Variants in DPF3 observed in about 807,000 individuals in gnomAD.
DPF3 encodes double PHD fingers 3, also known as zinc finger protein DPF3.
In DPF3, 18 loss-of-function variants were observed where a neutral mutation model predicts 56.8. The ratio of observed to expected loss-of-function variants is 0.32; its 90% CI spans 0.22 to 0.47. The LOEUF (loss-of-function observed/expected upper bound fraction) is 0.47, where lower values mean the gene tolerates loss of function less well. Ranked by LOEUF, DPF3 falls within the 20% of genes least tolerant of loss-of-function variation. The pLI is 1.00. For missense variants in DPF3, 403 were observed against 488.8 expected (o/e 0.82, Z 1.65); for synonymous variants, 188 against 180.2 (o/e 1.04, Z -0.35).
intron 6 of DPF3, among the ~76,000 whole-genome samples, chr14:72,697,090 GACAAT>G (rs1887937052): frequency 2.0e-5 from 3 of 152,192 alleles, no homozygotes; most frequent in Admixed American, 2.0e-4. Flanking sequence ...ATCAGGACCA[GACAAT>G]ACATGGAGGT....
At chr14:72,884,622 G>GC (rs1886443423) in intron 1 of DPF3, among the ~76,000 whole-genome samples, 1 of 151,836 alleles carries the variant, frequency 6.6e-6, no homozygotes, top group South Asian at 2.1e-4. Flanking sequence ...GCTAACTCCT[G>GC]CCCCCCAAGC....
chr14:72,834,741 T>C (rs921430448), intron 1 of DPF3, among the ~76,000 whole-genome samples: 4 of 152,192 alleles, frequency 2.6e-5, no homozygotes, highest in Non-Finnish European at 2.9e-5. Context: ...CCAAGACTTG[T>C]ACATGAAAGT....
intron 8 of DPF3, among the ~76,000 whole-genome samples, chr14:72,651,525 A>C (rs1885907689): frequency 6.6e-6 from 1 of 152,216 alleles, no homozygotes; most frequent in African/African-American, 2.4e-5. Context: ...AGTCAGGAAG[A>C]CAGGGGGATG....
At chr14:72,841,015 AG>A (rs1884523724) in intron 1 of DPF3, among the ~76,000 whole-genome samples, 1 of 152,242 alleles carries the variant, frequency 6.6e-6, no homozygotes, top group Non-Finnish European at 1.5e-5. Flanking sequence ...TCAATTCTGC[AG>A]GTCTTCATTT....
At chr14:72,749,870 A>G (rs1048513271) in intron 3 of DPF3, among the ~76,000 whole-genome samples, 1 of 18,206 alleles carries the variant, frequency 5.5e-5, no homozygotes, top group Non-Finnish European at 1.3e-4. Context: ...AAAAGAAAAG[A>G]AAAAAAAGTA....
intron 8 of DPF3, among the ~76,000 whole-genome samples, chr14:72,654,955 A>T (rs941440826): frequency 1.3e-5 from 2 of 152,188 alleles, no homozygotes; most frequent in Non-Finnish European, 2.9e-5. Context: ...AGGGTAAAAC[A>T]GTCTACTTTA....
At chr14:72,758,842 T>C (rs1890947710) in intron 2 of DPF3, among the ~76,000 whole-genome samples, 1 of 152,058 alleles carries the variant, frequency 6.6e-6, no homozygotes, top group African/African-American at 2.4e-5. Flanking sequence ...CTTAAATATG[T>C]CCCAAAACAA....
chr14:72,692,513 A>T (rs960024036), intron 7 of DPF3, among the ~76,000 whole-genome samples: 1 of 152,172 alleles, frequency 6.6e-6, no homozygotes, highest in East Asian at 1.9e-4. Flanking sequence ...CCAAACGACA[A>T]ATCCACCCAG....
intron 7 of DPF3, among the ~76,000 whole-genome samples, chr14:72,679,554 A>G (rs1887065647): frequency 6.6e-6 from 1 of 152,164 alleles, no homozygotes; most frequent in Admixed American, 6.5e-5. Context: ...CAGTGAGCAG[A>G]GCCCTCTGGG....
intron 4 of DPF3, among the ~76,000 whole-genome samples, chr14:72,728,269 A>G (rs1378097645): frequency 6.6e-6 from 1 of 152,214 alleles, no homozygotes; most frequent in Admixed American, 6.5e-5. Flanking sequence ...CAAAGGCAAG[A>G]AGAGATCCCT....
chr14:72,854,817 T>C (rs1885115368), intron 1 of DPF3, among the ~76,000 whole-genome samples: 1 of 152,200 alleles, frequency 6.6e-6, no homozygotes, highest in Non-Finnish European at 1.5e-5. Context: ...AGTTACTTAC[T>C]GCCCACACTT....
At chr14:72,802,999 T>A (rs1054684768) in intron 1 of DPF3, among the ~76,000 whole-genome samples, 22 of 152,180 alleles carry the variant, frequency 1.4e-4, no homozygotes, top group African/African-American at 5.1e-4. Flanking sequence ...TGCCCACCTC[T>A]CCACCTACCC....
At chr14:72,670,156 A>G (rs1314259142) in intron 8 of DPF3, 6 of 985,804 alleles carry the variant, frequency 6.1e-6, no homozygotes, top group Non-Finnish European at 7.2e-6. Context: ...GGGTATTGAT[A>G]CGTTTCTTAA....
intron 9 of DPF3, among the ~76,000 whole-genome samples, chr14:72,625,144 C>T (rs1441677400): frequency 6.6e-6 from 1 of 152,110 alleles, no homozygotes; most frequent in Non-Finnish European, 1.5e-5. Context: ...CTAATTTTAG[C>T]ATCAATTGAC....
At chr14:72,783,246 T>C (rs748481239) in intron 1 of DPF3, among the ~76,000 whole-genome samples, 1 of 144,620 alleles carries the variant, frequency 6.9e-6, no homozygotes, top group Non-Finnish European at 1.5e-5. Flanking sequence ...ATAACACCAC[T>C]ATCAAAGTTT....
At chr14:72,805,203 G>A (rs1166660849) in intron 1 of DPF3, among the ~76,000 whole-genome samples, 1 of 152,224 alleles carries the variant, frequency 6.6e-6, no homozygotes, top group Non-Finnish European at 1.5e-5. Flanking sequence ...GGGCACAGTG[G>A]CTCACACCTG....
rs530099832 is a variant in DPF3, at chr14:72,695,159, G to A, written c.605-1946C>T. On this transcript the variant is annotated intron_variant, in intron 6 of 10. Transcript: ENST00000556509. ...TGAAGAGTTTTGCTGCATGAAATTGGACAAGCTGCAGCTCTGTGCCTTTTC... is the reference window on the plus strand; with the variant it reads ...TGAAGAGTTTTGCTGCATGAAATTGAACAAGCTGCAGCTCTGTGCCTTTTC... 7.2e-5 allele frequency among the ~76,000 whole-genome samples: 11 copies of A among 152,286 alleles called. No individual in the cohort carries two copies. The South Asian group carries it at 2.1e-3, about 29-fold the overall frequency.
chr14:72,745,529 A>T (rs966980567), intron 3 of DPF3, among the ~76,000 whole-genome samples: 2 of 152,170 alleles, frequency 1.3e-5, no homozygotes, highest in African/African-American at 4.8e-5. Flanking sequence ...TAGCAATAGA[A>T]TGTCTAGGTC....
In DPF3 at chr14:72,615,616, C is replaced by T. The variant is rs1567175801; in HGVS notation, c.*3681G>A. Among the ~76,000 whole-genome samples the T allele has an allele frequency of 6.6e-6, 1 of 152,192 alleles. No individual in the cohort carries two copies. Among genetic ancestry groups the T allele is most frequent in the Non-Finnish European group, 1.5e-5 (1 of 68,030 alleles). On this transcript the variant is annotated 3_prime_UTR_variant, in exon 11 of 11. Transcript: ENST00000556509. ...GCCTCCTTCCCTCCCTTCCACCCAC[C>T]CACAGGCTCTTCCCTGGTTCCAGTC...
Sources: allele counts gnomAD v4.1 joint callset (sites outside exome capture counted in the v4.1 genomes callset), GRCh38; gene constraint gnomAD v4.1.1; transcripts MANE v1.5; gene names NCBI Gene and HGNC (gene_info 2026-07-23, HGNC 2026-07-21).